Variants in MAGI2 observed in about 807,000 individuals in gnomAD.
MAGI2 encodes the protein membrane associated guanylate kinase, WW and PDZ domain containing 2, also known as membrane-associated guanylate kinase, WW and PDZ domain-containing protein 2.
Under a neutral mutation model 133.3 loss-of-function variants are expected in MAGI2, and 35 were observed. That is an observed-to-expected ratio of 0.26 (90% confidence interval 0.20 to 0.35). MAGI2 has a LOEUF of 0.35. MAGI2 is among the 10% of genes least tolerant of loss of function. The probability of loss-of-function intolerance (pLI) is 1.00; values close to 1 mark genes in which losing one functional copy is unlikely to be tolerated. For synonymous variants in MAGI2, 729 were observed against 710.6 expected, an observed-to-expected ratio of 1.03 and a Z score of -0.41; for missense variants, 1,636 against 1,863.4, an observed-to-expected ratio of 0.88 and a Z score of 2.25.
At chr7:78,472,415 A>G (rs1351160811) in intron 6 of MAGI2, among the ~76,000 whole-genome samples, 1 of 152,008 alleles carries the variant, frequency 6.6e-6, no homozygotes, top group African/African-American at 2.4e-5. Flanking sequence ...GAAGCACTTG[A>G]TAATATTTAC....
chr7:78,542,010 T>G (rs1207831740), intron 3 of MAGI2, among the ~76,000 whole-genome samples: 2 of 152,200 alleles, frequency 1.3e-5, no homozygotes, highest in Non-Finnish European at 2.9e-5. Flanking sequence ...TCTGGGTCAT[T>G]GCTACTCAAT....
At chr7:79,119,874 A>G (rs989692567) in intron 1 of MAGI2, among the ~76,000 whole-genome samples, 4 of 152,128 alleles carry the variant, frequency 2.6e-5, no homozygotes, top group Admixed American at 1.3e-4. Flanking sequence ...TAAAATCTGC[A>G]GCTGCTAAAC....
At chr7:78,900,669 C>T (rs1797556712) in intron 2 of MAGI2, among the ~76,000 whole-genome samples, 1 of 152,112 alleles carries the variant, frequency 6.6e-6, no homozygotes, top group South Asian at 2.1e-4. Context: ...ACTCTTCATT[C>T]GTTTATGAAA....
rs563208706 is a variant in MAGI2 at position 78,132,130 on chromosome 7, T to C, written c.3203+759A>G. Among the ~76,000 whole-genome samples, 22 of 152,300 alleles carry C rather than the reference T, an allele frequency of 1.4e-4. No homozygotes were observed. In the South Asian group the frequency reaches 2.3e-3, roughly 16 times the overall value. On this transcript the variant is annotated intron_variant, in intron 18 of 21. Coordinates refer to ENST00000354212, the MANE Select transcript of MAGI2 (RefSeq NM_012301.4). ...GCTCAAGCAATCCTCACACCTCGGTTTCCCAAAGTGCTGGGATTATAGGCG... is the reference window on the plus strand; with the variant it reads ...GCTCAAGCAATCCTCACACCTCGGTCTCCCAAAGTGCTGGGATTATAGGCG...
At chr7:79,443,279 T>C (rs866703955) in intron 1 of MAGI2, among the ~76,000 whole-genome samples, 111 of 54,506 alleles carry the variant, frequency 2.0e-3, no homozygotes, top group African/African-American at 4.7e-3. Context: ...TGTGTGTGTG[T>C]GTGTGCGTGT....
At chr7:78,604,285 C>G (rs143414505) in intron 3 of MAGI2, among the ~76,000 whole-genome samples, 18 of 152,168 alleles carry the variant, frequency 1.2e-4, no homozygotes, top group African/African-American at 3.9e-4. Flanking sequence ...ATTTGAAGAA[C>G]TGGGAGCAGG....
At chr7:79,056,494 A>G (rs1488361758) in intron 1 of MAGI2, among the ~76,000 whole-genome samples, 2 of 152,222 alleles carry the variant, frequency 1.3e-5, no homozygotes, top group Non-Finnish European at 2.9e-5. Context: ...TCTTAAAAAT[A>G]TCTCTTCAAG....
intron 16 of MAGI2, among the ~76,000 whole-genome samples, chr7:78,153,087 G>A (rs1292205484): frequency 6.6e-6 from 1 of 152,160 alleles, no homozygotes; most frequent in Non-Finnish European, 1.5e-5. Flanking sequence ...GAACATTGAT[G>A]GGTCAAAGTT....
chr7:79,346,201 G>A (rs1841301517), intron 1 of MAGI2, among the ~76,000 whole-genome samples: 1 of 152,030 alleles, frequency 6.6e-6, no homozygotes, highest in East Asian at 1.9e-4. Context: ...ATTTTCTTAT[G>A]AGTCCTTCCT....
intron 2 of MAGI2, among the ~76,000 whole-genome samples, chr7:78,928,829 A>G (rs1419367871): frequency 6.6e-6 from 1 of 152,110 alleles, no homozygotes; most frequent in African/African-American, 2.4e-5. Flanking sequence ...AGAAAATTTG[A>G]AAGTGAAATT....
At chr7:78,975,224 G>A (rs996896596) in intron 2 of MAGI2, among the ~76,000 whole-genome samples, 6 of 151,702 alleles carry the variant, frequency 4.0e-5, no homozygotes, top group Non-Finnish European at 5.9e-5. Context: ...AAGAGCAAGC[G>A]ATATGTTCTT....
intron 1 of MAGI2, among the ~76,000 whole-genome samples, chr7:79,226,728 C>T (rs955850987): frequency 1.3e-5 from 2 of 152,038 alleles, no homozygotes; most frequent in Non-Finnish European, 2.9e-5. Flanking sequence ...CTTTCACGCC[C>T]AATCTACTCC....
chr7:78,656,212 G>C (rs1812259236), intron 2 of MAGI2, among the ~76,000 whole-genome samples: 1 of 152,084 alleles, frequency 6.6e-6, no homozygotes, highest in Non-Finnish European at 1.5e-5. Context: ...CTTTAGGCAA[G>C]TTACATGAAT....
At chr7:79,369,987 G>T (rs190090470) in intron 1 of MAGI2, among the ~76,000 whole-genome samples, 1 of 151,854 alleles carries the variant, frequency 6.6e-6, no homozygotes, top group Non-Finnish European at 1.5e-5. Context: ...CTGTTTCTCT[G>T]TGGCTACATT....
rs1286926341 is a variant in MAGI2 at position 78,521,626 on chromosome 7, T to C, written c.558A>G (p.Pro186=). Residue 186 remains proline (P), a synonymous_variant, in exon 4 of 22, where the codon CCA becomes CCG. Transcript: ENST00000354212. ...ATGGTGCTGGTTCTGCTGGCGGCTT[T>C]GGGGTACCGTAGTAATTGTCTGCAA... is the stretch of plus-strand genomic sequence containing the variant. ...GTYEDNYYGT[P]KPPAEPAPLL... is the part of the protein sequence containing the mutation. 1 of 1,614,138 alleles carries C rather than the reference T, an allele frequency of 6.2e-7. No homozygotes were observed. Among genetic ancestry groups the C allele is most frequent in the Non-Finnish European group, 8.5e-7 (1 of 1,180,004 alleles).
At chr7:78,188,079 A>G (rs1260623460) in intron 12 of MAGI2, among the ~76,000 whole-genome samples, 1 of 152,110 alleles carries the variant, frequency 6.6e-6, no homozygotes, top group African/African-American at 2.4e-5. Context: ...ATTGGATCTA[A>G]TTTCTAAAAT....
intron 1 of MAGI2, among the ~76,000 whole-genome samples, chr7:79,043,672 A>G (rs887947297): frequency 1.3e-5 from 2 of 152,018 alleles, no homozygotes; most frequent in Non-Finnish European, 2.9e-5. Flanking sequence ...AAAAAAGGAG[A>G]GAAGATCCAA....
chr7:78,301,045 G>A (rs761475258), intron 9 of MAGI2, among the ~76,000 whole-genome samples: 5 of 152,122 alleles, frequency 3.3e-5, no homozygotes. Flanking sequence ...ACAAAGTGAG[G>A]TGTAAGAAGA....
rs1849404683 is a variant in MAGI2, at chr7:79,453,066, C to A, written c.255G>T (p.Val85=). Residue 85 remains valine (V), a synonymous_variant, in exon 1 of 22, where the codon GTG becomes GTT. Transcript: ENST00000354212. ...AGLTIRDVLA[V]IKHCKDPLRL... ...GGAGGGGGTCCTTGCAGTGTTTGAT[C>A]ACGGCCAGCACGTCCCTGATGGTGA... The A allele has an allele frequency of 6.2e-7, 1 of 1,611,592 alleles. No homozygotes were observed. Among genetic ancestry groups the A allele is most frequent in the Non-Finnish European group, 8.5e-7 (1 of 1,178,938 alleles).
Sources: gnomAD v4.1 joint callset for allele counts (sites outside exome capture counted in the v4.1 genomes callset) on GRCh38, gnomAD v4.1.1 for gene constraint, MANE v1.5 for transcripts, NCBI Gene and HGNC (gene_info 2026-07-23, HGNC 2026-07-21) for gene names.